PTPN3: variants seen among roughly 807,000 people sequenced by gnomAD.
PTPN3 encodes the protein protein tyrosine phosphatase non-receptor type 3.
In PTPN3, 96 loss-of-function variants were observed where a neutral mutation model predicts 132.7. The ratio of observed to expected loss-of-function variants is 0.72; its 90% CI spans 0.61 to 0.86. PTPN3 has a LOEUF of 0.86. Among genes scored for constraint, PTPN3 ranks in the 40% least tolerant of loss-of-function variants. The probability of loss-of-function intolerance (pLI) is 0.00; values close to 1 mark genes in which losing one functional copy is unlikely to be tolerated. For missense variants in PTPN3, 1,125 were observed against 1,159.6 expected (o/e 0.97, Z 0.43); for synonymous variants, 398 against 429.0 (o/e 0.93, Z 0.89).
chr9:109,490,926 C>T (rs1847433654), intron 1 of PTPN3, among the ~76,000 whole-genome samples: 1 of 151,154 alleles, frequency 6.6e-6, no homozygotes, highest in Non-Finnish European at 1.5e-5. Flanking sequence ...AGGCCGGGCG[C>T]AGTGGCTCGG....
intron 1 of PTPN3, among the ~76,000 whole-genome samples, chr9:109,478,957 TTTTC>T (rs773166589): frequency 7.9e-5 from 12 of 152,040 alleles, no homozygotes; most frequent in Non-Finnish European, 1.5e-5. Flanking sequence ...TCTTCTGGTC[TTTTC>T]TTTTTCTTTT....
intron 2 of PTPN3, among the ~76,000 whole-genome samples, chr9:109,461,761 A>G (rs74472127): frequency 6.8e-4 from 16 of 23,666 alleles, no homozygotes; most frequent in African/African-American, 2.5e-3. Context: ...TGTTTCAGGA[A>G]AAAAAAAAAA....
chr9:109,422,706 AG>A lies in PTPN3; in HGVS notation c.1136+11del, dbSNP rs1332377525. ...GTTGGGTAGTACAAAAAAAAAAAAA[AG>A]GAGGACATACCAGTTGGGAGTAATG... On this transcript the variant is annotated intron_variant, in intron 13 of 25. Transcript: ENST00000374541. 1.9e-6 allele frequency: 3 copies of A among 1,573,354 alleles called. No homozygotes were observed. In the African/African-American group the frequency reaches 4.2e-5, roughly 22 times the overall value.
At chr9:109,486,464 G>A (rs1348601449) in intron 1 of PTPN3, among the ~76,000 whole-genome samples, 2 of 152,160 alleles carry the variant, frequency 1.3e-5, no homozygotes, top group Admixed American at 1.3e-4. Context: ...GGAGTGGGCT[G>A]GAGAAGGGAT....
At chr9:109,445,816 T>C (rs10979868) in intron 6 of PTPN3, among the ~76,000 whole-genome samples, 51,399 of 152,138 alleles carry the variant, frequency 0.34, 9,621 homozygotes, top group African/African-American at 0.48. Flanking sequence ...AATTCCTTAA[T>C]TAAATTAACT....
chr9:109,525,879 G>A, the PTPN3 span, among the ~76,000 whole-genome samples: 1 of 152,062 alleles, frequency 6.6e-6, no homozygotes, highest in African/African-American at 2.4e-5. Flanking sequence ...TTTGTTATTT[G>A]TTCATTATAC....
At chr9:109,406,658 A>G (rs1588346006) in intron 17 of PTPN3, 40 bp from the exon 18 acceptor site, 1 of 1,608,792 alleles carries the variant, frequency 6.2e-7, no homozygotes. Flanking sequence ...TGTTACCATA[A>G]CACAGTCCTT....
At chr9:109,532,789 G>A in the PTPN3 span, 1 of 554,458 alleles carries the variant, frequency 1.8e-6, no homozygotes, top group Non-Finnish European at 2.6e-6. Flanking sequence ...CTTCTTGTTG[G>A]ATGACTACAC....
At chr9:109,455,015 C>T (rs1845487548) in intron 4 of PTPN3, among the ~76,000 whole-genome samples, 1 of 152,224 alleles carries the variant, frequency 6.6e-6, no homozygotes, top group Admixed American at 6.5e-5. Context: ...TACGCTGCTA[C>T]TGGTAGCCCC....
chr9:109,527,721 A>T, the PTPN3 span, among the ~76,000 whole-genome samples: 1 of 152,226 alleles, frequency 6.6e-6, no homozygotes, highest in African/African-American at 2.4e-5. Context: ...AAAGTATCAT[A>T]TGTACCCTTA....
chr9:109,500,435 C>G (rs1847848806), upstream of PTPN3, among the ~76,000 whole-genome samples: 1 of 152,052 alleles, frequency 6.6e-6, no homozygotes, highest in Non-Finnish European at 1.5e-5. Flanking sequence ...AAAAATCATG[C>G]GTTTTAAATC....
the PTPN3 span, among the ~76,000 whole-genome samples, chr9:109,528,077 C>T: frequency 1.3e-5 from 2 of 152,060 alleles, no homozygotes; most frequent in African/African-American, 4.8e-5. Context: ...CATCACTTGT[C>T]ATTAAAAGCA....
At chr9:109,490,625 G>T (rs957885576) in intron 1 of PTPN3, among the ~76,000 whole-genome samples, 1 of 152,000 alleles carries the variant, frequency 6.6e-6, no homozygotes, top group Non-Finnish European at 1.5e-5. Context: ...TGTAATCCCA[G>T]CTACTCAGGA....
Position 109,441,976 on chromosome 9 carries a change from C to T in PTPN3, c.466+3264G>A, listed in dbSNP as rs1406822292. 8.5e-5 allele frequency among the ~76,000 whole-genome samples: 13 copies of T among 152,166 alleles called. No individual in the cohort carries two copies. The East Asian group carries it at 2.5e-3, about 29-fold the overall frequency. ...ACAGTGAGGACTTATATCAGATGCC[C>T]CTCTTGGAAGAATTTAGCAAAATAT... is the stretch of plus-strand genomic sequence containing the variant. On this transcript the variant is annotated intron_variant, in intron 7 of 25. Transcript: ENST00000374541.
the PTPN3 span, among the ~76,000 whole-genome samples, chr9:109,525,937 A>G: frequency 8.5e-5 from 13 of 152,206 alleles, no homozygotes; most frequent in Admixed American, 7.2e-4. Context: ...AAGAAATAAA[A>G]CTTATTTACA....
intron 19 of PTPN3, among the ~76,000 whole-genome samples, chr9:109,403,040 T>A (rs1322471025): frequency 1.3e-5 from 2 of 152,200 alleles, no homozygotes; most frequent in Non-Finnish European, 2.9e-5. Flanking sequence ...ATGGCACCAC[T>A]GCACTCCAAC....
At chr9:109,430,844 T>C (rs1417138225) in intron 10 of PTPN3, among the ~76,000 whole-genome samples, 1 of 152,198 alleles carries the variant, frequency 6.6e-6, no homozygotes, top group Non-Finnish European at 1.5e-5. Flanking sequence ...AGCTCCAGCC[T>C]GGCCTGTCCC....
At chr9:109,531,175 T>C in the PTPN3 span, among the ~76,000 whole-genome samples, 50 of 152,350 alleles carry the variant, frequency 3.3e-4, no homozygotes, top group African/African-American at 1.2e-3. Context: ...CTCCAAAGTT[T>C]TCTTCTGTAG....
chr9:109,503,173 C>G (rs991136655), upstream of PTPN3, among the ~76,000 whole-genome samples: 2 of 152,114 alleles, frequency 1.3e-5, no homozygotes, highest in East Asian at 3.9e-4. Flanking sequence ...AGGCTCCTTT[C>G]ATGGAGGGTG....
Sources: allele counts gnomAD v4.1 joint callset (sites outside exome capture counted in the v4.1 genomes callset), GRCh38; gene constraint gnomAD v4.1.1; transcripts MANE v1.5; gene names NCBI Gene and HGNC (gene_info 2026-07-23, HGNC 2026-07-21).